The following TMTC1 variants were observed in gnomAD, a reference collection of about 807,000 sequenced individuals.
The protein encoded by TMTC1 is protein O-mannosyl-transferase TMTC1.
Under a neutral mutation model 104.8 loss-of-function variants are expected in TMTC1, and 73 were observed. The ratio of observed to expected loss-of-function variants is 0.70; its 90% CI spans 0.58 to 0.85. The LOEUF (loss-of-function observed/expected upper bound fraction) is 0.85, where lower values mean the gene tolerates loss of function less well. Among genes scored for constraint, TMTC1 ranks in the 40% least tolerant of loss-of-function variants. TMTC1 has a pLI of 0.00. For synonymous variants in TMTC1, 434 were observed against 428.7 expected (o/e 1.01, Z -0.15); for missense variants, 1,035 against 1,096.1 (o/e 0.94, Z 0.79).
chr12:29,656,319 G>GATATAT (rs71045824), intron 5 of TMTC1, among the ~76,000 whole-genome samples: 2,761 of 139,248 alleles, frequency 0.02, 36 homozygotes, highest in East Asian at 0.049. Flanking sequence ...AATTTCCCTG[G>GATATAT]ATATATATAT....
At chr12:29,534,694 G>A (rs557462571) in intron 11 of TMTC1, 2 of 152,262 alleles carry the variant, frequency 1.3e-5, no homozygotes, top group African/African-American at 4.8e-5. Context: ...AGATACTACA[G>A]AAGGAACTAA....
chr12:29,682,157 T>C lies in TMTC1; in HGVS notation c.939-48821A>G, dbSNP rs115919706. On this transcript the variant is annotated intron_variant, in intron 5 of 17. Transcript: ENST00000539277. ...ATAGCCAATAGATGGCCAATGTCAC[T>C]AGCCATTAGGGAAATGAAAATAAAA... is the stretch of plus-strand genomic sequence containing the variant. Among the ~76,000 whole-genome samples the C allele has an allele frequency of 4.4e-3, 671 of 152,282 alleles. 9 individuals carry two copies. The highest frequency in any genetic ancestry group is 0.015 in the African/African-American group (640 of 41,548).
chr12:29,775,093 T>G (rs876534), intron 1 of TMTC1, among the ~76,000 whole-genome samples: 40,442 of 151,960 alleles, frequency 0.27, 6,865 homozygotes, highest in Admixed American at 0.46. Context: ...GGCAGGAAGA[T>G]CAGTAAATAT....
intron 5 of TMTC1, among the ~76,000 whole-genome samples, chr12:29,731,692 C>CA (rs1027330325): frequency 2.0e-5 from 3 of 151,960 alleles, no homozygotes; most frequent in Non-Finnish European, 2.9e-5. Context: ...CATTTAAATA[C>CA]AAAAAAAGGA....
intron 6 of TMTC1, among the ~76,000 whole-genome samples, chr12:29,611,177 CTT>C (rs1555176122): frequency 1.3e-4 from 17 of 130,114 alleles, no homozygotes; most frequent in Admixed American, 3.0e-4. Flanking sequence ...TTCTGAACTT[CTT>C]TTTTTTTTTT....
chr12:29,514,490 C>T lies in TMTC1; in HGVS notation c.2422G>A (p.Ala808Thr). The T allele has an allele frequency of 6.2e-7, 1 of 1,611,410 alleles. No homozygotes were observed. The highest frequency in any genetic ancestry group is 1.1e-5 in the South Asian group (1 of 90,690). Reference sequence around the variant, plus strand: ...TTATGATGAGTTTATACCTCAAAAGCTTTGTCGAGAAGGTTCTGCTCTCTT... The same window carrying T: ...TTATGATGAGTTTATACCTCAAAAGTTTTGTCGAGAAGGTTCTGCTCTCTT... Reference protein sequence around the residue: ...QLREQNLLDKAFESYRVAVQL... With the variant: ...QLREQNLLDKTFESYRVAVQL... Residue 808 changes from alanine (A) to threonine (T), a missense_variant, in exon 16 of 18, where the codon GCT becomes ACT. Coordinates refer to ENST00000539277, the MANE Select transcript of TMTC1 (RefSeq NM_001193451.2).
intron 10 of TMTC1, among the ~76,000 whole-genome samples, chr12:29,543,825 T>A (rs1005665497): frequency 6.6e-6 from 1 of 152,202 alleles, no homozygotes; most frequent in Non-Finnish European, 1.5e-5. Context: ...ACCTGGGAAA[T>A]GTAATGGAAA....
At chr12:29,549,784 GAGGATGTATGCATT>G (rs1945046174) in intron 10 of TMTC1, among the ~76,000 whole-genome samples, 1 of 152,166 alleles carries the variant, frequency 6.6e-6, no homozygotes, top group South Asian at 2.1e-4. Flanking sequence ...GAGGGGAACA[GAGGATGTATGCATT>G]AGGGAAACAG....
intron 5 of TMTC1, among the ~76,000 whole-genome samples, chr12:29,744,442 A>G (rs1942901469): frequency 6.6e-6 from 1 of 152,216 alleles, no homozygotes; most frequent in Admixed American, 6.5e-5. Flanking sequence ...AATTAAAAGG[A>G]ATTTTTGCCT....
At chr12:29,646,151 G>C (rs1453557478) in intron 5 of TMTC1, among the ~76,000 whole-genome samples, 1 of 152,142 alleles carries the variant, frequency 6.6e-6, no homozygotes, top group Non-Finnish European at 1.5e-5. Flanking sequence ...AGAAGCACCC[G>C]CCTGAGACCC....
At chr12:29,737,792 G>A (rs1942720267) in intron 5 of TMTC1, among the ~76,000 whole-genome samples, 1 of 152,178 alleles carries the variant, frequency 6.6e-6, no homozygotes, top group East Asian at 1.9e-4. Context: ...CCGGAGCCTT[G>A]CTTTCCACAT....
chr12:29,666,694 A>T (rs1367626781), intron 5 of TMTC1, among the ~76,000 whole-genome samples: 4 of 152,150 alleles, frequency 2.6e-5, no homozygotes, highest in African/African-American at 9.7e-5. Flanking sequence ...AATACTAATG[A>T]TTTCAATGAA....
intron 4 of TMTC1, among the ~76,000 whole-genome samples, chr12:29,753,151 T>G (rs1164621397): frequency 1.3e-5 from 2 of 152,192 alleles, no homozygotes; most frequent in African/African-American, 4.8e-5. Context: ...CGATGAAAGA[T>G]CTCAAGAACC....
intron 6 of TMTC1, among the ~76,000 whole-genome samples, chr12:29,624,774 G>A (rs137957413): frequency 6.6e-6 from 1 of 152,308 alleles, no homozygotes; most frequent in African/African-American, 2.4e-5. Context: ...GCTCCATGCA[G>A]GTGGGACTTT....
chr12:29,723,723 A>G (rs532825722), intron 5 of TMTC1, among the ~76,000 whole-genome samples: 1 of 152,274 alleles, frequency 6.6e-6, no homozygotes, highest in South Asian at 2.1e-4. Context: ...TCTGTAAGGA[A>G]AAAACGAGAG....
chr12:29,580,335 A>G (rs1945943620), intron 8 of TMTC1, among the ~76,000 whole-genome samples: 1 of 152,142 alleles, frequency 6.6e-6, no homozygotes, highest in Non-Finnish European at 1.5e-5. Flanking sequence ...AAATAAATGA[A>G]TAAATAAAAT....
chr12:29,720,028 C>G (rs896063732), intron 5 of TMTC1, among the ~76,000 whole-genome samples: 7 of 152,124 alleles, frequency 4.6e-5, no homozygotes, highest in African/African-American at 1.7e-4. Context: ...TAAGGAACAA[C>G]CCCATCTTGA....
intron 2 of TMTC1, among the ~76,000 whole-genome samples, chr12:29,762,732 A>T (rs1327723397): frequency 6.6e-6 from 1 of 152,238 alleles, no homozygotes; most frequent in Non-Finnish European, 1.5e-5. Flanking sequence ...ATTAATCTAT[A>T]AGGAACTTGA....
At chr12:29,725,815 G>A (rs953121329) in intron 5 of TMTC1, among the ~76,000 whole-genome samples, 1 of 152,202 alleles carries the variant, frequency 6.6e-6, no homozygotes, top group African/African-American at 2.4e-5. Flanking sequence ...CATCACTGGA[G>A]CGGACTTCCT....
Sources: allele counts gnomAD v4.1 joint callset (sites outside exome capture counted in the v4.1 genomes callset), GRCh38; gene constraint gnomAD v4.1.1; transcripts MANE v1.5; gene names NCBI Gene and HGNC (gene_info 2026-07-23, HGNC 2026-07-21).